GRIP1: variants seen among roughly 807,000 people sequenced by gnomAD.
GRIP1 encodes glutamate receptor-interacting protein 1.
GRIP1 carries 45 observed loss-of-function variants against 129.9 expected under a neutral mutation model. That is an observed-to-expected ratio of 0.35 (90% CI 0.27 to 0.44). The LOEUF is 0.44. Among genes scored for constraint, GRIP1 ranks in the 20% least tolerant of loss-of-function variants. The pLI, the probability that GRIP1 is intolerant of heterozygous loss-of-function variation, is 1.00. For missense variants in GRIP1, 1,196 were observed against 1,396.8 expected, an observed-to-expected ratio of 0.86 and a Z score of 2.29; for synonymous variants, 530 against 520.8, an observed-to-expected ratio of 1.02 and a Z score of -0.24.
intron 1 of GRIP1, among the ~76,000 whole-genome samples, chr12:66,659,578 C>T (rs182848930): frequency 6.4e-4 from 98 of 152,244 alleles, no homozygotes; most frequent in African/African-American, 2.1e-3. Flanking sequence ...TTCATAAGCT[C>T]CTAAAAAAGA....
intron 23 of GRIP1, among the ~76,000 whole-genome samples, chr12:66,362,993 G>A (rs1315372657): frequency 6.6e-6 from 1 of 151,018 alleles, no homozygotes; most frequent in Non-Finnish European, 1.5e-5. Context: ...AACCTCAAAG[G>A]CTTTGATTTT....
At chr12:66,678,190 G>T (rs1445807065) in intron 1 of GRIP1, among the ~76,000 whole-genome samples, 2 of 152,044 alleles carry the variant, frequency 1.3e-5, no homozygotes, top group Non-Finnish European at 2.9e-5. Flanking sequence ...ATATTACAGA[G>T]AAATTTAATT....
intron 15 of GRIP1, among the ~76,000 whole-genome samples, chr12:66,407,240 T>A (rs2057225178): frequency 7.0e-6 from 1 of 141,912 alleles, no homozygotes; most frequent in Admixed American, 6.7e-5. Flanking sequence ...CCTCCCCACC[T>A]CCTGCCTGTA....
At chr12:66,629,810 C>T (rs957592407) in intron 1 of GRIP1, among the ~76,000 whole-genome samples, 1 of 152,110 alleles carries the variant, frequency 6.6e-6, no homozygotes. Flanking sequence ...CTATTACATT[C>T]CCATGTTGAA....
chr12:66,492,588 A>G (rs10748047), intron 7 of GRIP1, among the ~76,000 whole-genome samples: 86,183 of 151,964 alleles, frequency 0.57, 25,563 homozygotes, highest in Middle Eastern at 0.74. Context: ...TGAGTCCCCA[A>G]TAAATGTGCA....
chr12:66,783,817 T>A (rs1321915445), intron 1 of GRIP1, among the ~76,000 whole-genome samples: 4 of 152,052 alleles, frequency 2.6e-5, no homozygotes, highest in Non-Finnish European at 4.4e-5. Context: ...AAAATTCAGA[T>A]AAGAAATTAT....
At chr12:67,051,815 T>C (rs1454882995) in intron 1 of GRIP1, among the ~76,000 whole-genome samples, 1 of 152,228 alleles carries the variant, frequency 6.6e-6, no homozygotes, top group Non-Finnish European at 1.5e-5. Flanking sequence ...TCATTAGCCA[T>C]TAGTTGAACT....
chr12:66,740,019 C>A (rs1592795313), intron 1 of GRIP1, among the ~76,000 whole-genome samples: 1 of 152,112 alleles, frequency 6.6e-6, no homozygotes, highest in Non-Finnish European at 1.5e-5. Flanking sequence ...CTTGTCAGCT[C>A]TCCCCTGTGA....
intron 1 of GRIP1, among the ~76,000 whole-genome samples, chr12:66,800,872 A>G (rs1379008064): frequency 6.6e-6 from 1 of 152,138 alleles, no homozygotes; most frequent in Non-Finnish European, 1.5e-5. Flanking sequence ...GATTAAATAA[A>G]AAATGCAGTC....
rs188870639 is a variant in GRIP1, at chr12:66,938,934, G to A, written c.58+130116C>T. ...ATGGTGCCATTGCACTCCCACCTGG[G>A]CAATAGAGCAAGACTGTCTCAAAAG... On this transcript the variant is annotated intron_variant, in intron 1 of 1. Transcript: ENST00000643019. Among the ~76,000 whole-genome samples the A allele has an allele frequency of 1.2e-3, 181 of 152,162 alleles. 1 individual carries two copies. Among genetic ancestry groups the A allele is most frequent in the Middle Eastern group, 6.8e-3 (2 of 292 alleles).
At chr12:66,712,751 G>T (rs2035750766) in intron 1 of GRIP1, among the ~76,000 whole-genome samples, 1 of 151,914 alleles carries the variant, frequency 6.6e-6, no homozygotes, top group African/African-American at 2.4e-5. Flanking sequence ...TAAAATATTT[G>T]TCTTATAAAC....
At chr12:67,037,191 G>A (rs1592499225) in intron 1 of GRIP1, among the ~76,000 whole-genome samples, 1 of 151,972 alleles carries the variant, frequency 6.6e-6, no homozygotes, top group Non-Finnish European at 1.5e-5. Flanking sequence ...AGCAGGGCGT[G>A]GTGGCGGGCA....
intron 1 of GRIP1, among the ~76,000 whole-genome samples, chr12:66,922,947 T>C (rs2041237087): frequency 6.6e-6 from 1 of 152,178 alleles, no homozygotes; most frequent in Admixed American, 6.5e-5. Context: ...ATTTAAGATC[T>C]AGCAAAATCC....
At chr12:66,851,950 A>G (rs2039920046) in intron 1 of GRIP1, among the ~76,000 whole-genome samples, 1 of 152,136 alleles carries the variant, frequency 6.6e-6, no homozygotes, top group Non-Finnish European at 1.5e-5. Context: ...ATAGTTCACA[A>G]TATTTACAAT....
intron 4 of GRIP1, among the ~76,000 whole-genome samples, chr12:66,530,583 T>A (rs35728822): frequency 0.27 from 41,208 of 152,044 alleles, 5,759 homozygotes; most frequent in Middle Eastern, 0.33. Context: ...CAAAATGGAA[T>A]TGTATTGTCA....
intron 1 of GRIP1, among the ~76,000 whole-genome samples, chr12:66,890,129 A>G (rs1423501860): frequency 6.6e-6 from 1 of 152,020 alleles, no homozygotes; most frequent in Non-Finnish European, 1.5e-5. Context: ...GGGTCTCACT[A>G]TGTTACTCAG....
intron 1 of GRIP1, among the ~76,000 whole-genome samples, chr12:66,743,948 G>A (rs2036867584): frequency 6.6e-6 from 1 of 152,110 alleles, no homozygotes; most frequent in Non-Finnish European, 1.5e-5. Context: ...TCCTATAGCT[G>A]TACAGAATTC....
chr12:66,751,580 T>C (rs1189972587), intron 1 of GRIP1, among the ~76,000 whole-genome samples: 1 of 152,160 alleles, frequency 6.6e-6, no homozygotes, highest in Non-Finnish European at 1.5e-5. Flanking sequence ...CATGAAGCCT[T>C]CTCTTTCTGC....
rs538717652 is a variant in GRIP1, at chr12:66,378,937, ACT to A, written c.2621+341_2621+342del. Among the ~76,000 whole-genome samples the A allele has an allele frequency of 3.5e-3, 530 of 152,012 alleles. 5 individuals are homozygous for A. The highest frequency in any genetic ancestry group is 0.012 in the African/African-American group (499 of 41,492). On this transcript the variant is annotated intron_variant, in intron 20 of 24. Transcript: ENST00000359742. ...ATTCCAGCTTGGGCAGCAGAGTGAG[ACT>A]CTGTCTCAAAAAATAAAAAAATAAA...
Sources: allele counts gnomAD v4.1 joint callset (sites outside exome capture counted in the v4.1 genomes callset), GRCh38; gene constraint gnomAD v4.1.1; transcripts MANE v1.5; gene names NCBI Gene and HGNC (gene_info 2026-07-23, HGNC 2026-07-21).